KIF2A: variants seen among roughly 807,000 people sequenced by gnomAD.
The protein encoded by KIF2A is kinesin family member 2A.
A neutral mutation model predicts 100.2 loss-of-function variants in KIF2A; 22 were observed. The ratio of observed to expected loss-of-function variants is 0.22; its 90% CI spans 0.16 to 0.31. The LOEUF (loss-of-function observed/expected upper bound fraction) is 0.31. Among genes scored for constraint, KIF2A ranks in the 10% least tolerant of loss-of-function variants. KIF2A has a pLI of 1.00. For missense variants in KIF2A, 495 were observed against 898.7 expected (o/e 0.55, Z 5.74); for synonymous variants, 268 against 285.9 (o/e 0.94, Z 0.63).
intron 1 of KIF2A, among the ~76,000 whole-genome samples, chr5:62,321,556 T>C (rs1393745310): frequency 6.6e-6 from 1 of 152,062 alleles, no homozygotes; most frequent in Admixed American, 6.6e-5. Flanking sequence ...CCATTTGTTT[T>C]GTTTGTTTGT....
At chr5:62,364,339 G>A (rs1476481364) in intron 14 of KIF2A, among the ~76,000 whole-genome samples, 1 of 152,002 alleles carries the variant, frequency 6.6e-6, no homozygotes, top group African/African-American at 2.4e-5. Context: ...GTAGATATGG[G>A]GTTTCACCAT....
intron 1 of KIF2A, among the ~76,000 whole-genome samples, chr5:62,335,011 C>G (rs1746865771): frequency 6.6e-6 from 1 of 152,216 alleles, no homozygotes; most frequent in Non-Finnish European, 1.5e-5. Flanking sequence ...GATGGGTCCC[C>G]CTGGCTTTTC....
intron 1 of KIF2A, among the ~76,000 whole-genome samples, chr5:62,317,198 G>A (rs925859375): frequency 1.3e-5 from 2 of 151,998 alleles, no homozygotes; most frequent in African/African-American, 4.8e-5. Flanking sequence ...ACAGGCATGC[G>A]CCACCGTGCC....
intron 13 of KIF2A, 98 bp from the exon 14 acceptor site, chr5:62,363,597 C>T (rs190123555): frequency 1.1e-5 from 12 of 1,060,792 alleles, no homozygotes; most frequent in East Asian, 4.8e-5. Context: ...CTAGCTAAAT[C>T]GATGTTTTTG....
At chr5:62,372,660 T>C in intron 17 of KIF2A, 109 bp downstream of exon 17, 1 of 624,742 alleles carries the variant, frequency 1.6e-6, no homozygotes, top group East Asian at 2.9e-5. Context: ...TTAGTTTTCA[T>C]TGTCATTTCA....
chr5:62,307,897 C>A (rs370699948), intron 1 of KIF2A, among the ~76,000 whole-genome samples: 6 of 152,124 alleles, frequency 3.9e-5, no homozygotes, highest in African/African-American at 1.4e-4. Flanking sequence ...GGATTACAGG[C>A]GTGAGCCATC....
At chr5:62,362,667 A>G in intron 12 of KIF2A, 126 bp downstream of exon 12, 1 of 391,068 alleles carries the variant, frequency 2.6e-6, no homozygotes, top group Non-Finnish European at 4.6e-6. Flanking sequence ...GTTTACCACC[A>G]TAATTTATGT....
chr5:62,307,835 C>G (rs1328137211), intron 1 of KIF2A, among the ~76,000 whole-genome samples: 1 of 152,158 alleles, frequency 6.6e-6, no homozygotes, highest in East Asian at 1.9e-4. Flanking sequence ...CAAGGCTGGT[C>G]TCGAACTCCT....
At position 62,381,557 on chromosome 5, in the gene KIF2A, A is replaced by C. The variant is rs141561007; in HGVS notation, c.2149+304A>C. ...TCTTTAGTTTGGTAGGCTGATGCTTATGAGAATTATCTTCTTTCTGTGCCT... is the reference window on the plus strand; with the variant it reads ...TCTTTAGTTTGGTAGGCTGATGCTTCTGAGAATTATCTTCTTTCTGTGCCT... On this transcript the variant is annotated intron_variant, in intron 20 of 20. Transcript: ENST00000407818. 3.1e-3 allele frequency among the ~76,000 whole-genome samples: 477 copies of C among 152,304 alleles called. 4 individuals carry two copies. Among genetic ancestry groups the C allele is most frequent in the African/African-American group, 0.011 (455 of 41,576 alleles).
chr5:62,380,534 A>AG (rs1379159617), intron 19 of KIF2A, among the ~76,000 whole-genome samples: 1 of 152,174 alleles, frequency 6.6e-6, no homozygotes, highest in Non-Finnish European at 1.5e-5. Flanking sequence ...GCTGACCCCC[A>AG]GCACAGTTGG....
At chr5:62,368,639 T>C (rs987163060) in intron 16 of KIF2A, among the ~76,000 whole-genome samples, 3 of 152,074 alleles carry the variant, frequency 2.0e-5, no homozygotes, top group African/African-American at 7.2e-5. Context: ...TAGCCTGGCA[T>C]GGTGGCATGC....
chr5:62,368,985 G>A (rs1741203476), intron 16 of KIF2A, among the ~76,000 whole-genome samples: 1 of 152,100 alleles, frequency 6.6e-6, no homozygotes, highest in African/African-American at 2.4e-5. Context: ...TCTTGAGAAA[G>A]ATGAGGAACA....
Position 62,366,445 on chromosome 5 carries a change from G to A in KIF2A, c.1610G>A (p.Cys537Tyr). 1 of 1,582,192 alleles carries A rather than the reference G, an allele frequency of 6.3e-7. No homozygotes were observed. Among genetic ancestry groups the A allele is most frequent in the Non-Finnish European group, 8.6e-7 (1 of 1,160,618 alleles). Residue 537 changes from cysteine (C) to tyrosine (Y), a missense_variant, in exon 16 of 21, where the codon TGT becomes TAT. Coordinates refer to ENST00000407818, the MANE Select transcript of KIF2A (RefSeq NM_001098511.3). ...IATISPGMAS[C>Y]ENTLNTLRYA... ...ACAATCTCTCCAGGAATGGCATCCT[G>A]TGAAAATACTCTTAATACATTAAGA...
At chr5:62,331,999 CTT>C (rs984042210) in intron 1 of KIF2A, among the ~76,000 whole-genome samples, 6 of 152,114 alleles carry the variant, frequency 3.9e-5, no homozygotes, top group African/African-American at 1.2e-4. Context: ...TATTTTGGCT[CTT>C]GTCTCCTCCA....
chr5:62,352,576 T>C lies in KIF2A; in HGVS notation c.335-12T>C. On this transcript the variant is annotated splice_polypyrimidine_tract_variant and intron_variant, in intron 4 of 20. Coordinates refer to ENST00000407818, the MANE Select transcript of KIF2A (RefSeq NM_001098511.3). ...CTATCCTGAATTTAAAATTTTTTTT[T>C]TTTACTTACAGTGGTTGGTTCAGCA... is the stretch of plus-strand genomic sequence containing the variant. 6.6e-7 allele frequency: 1 copy of C among 1,507,934 alleles called. No homozygotes were observed. The highest frequency in any genetic ancestry group is 8.8e-7 in the Non-Finnish European group (1 of 1,131,782). 93.4% of individuals were successfully genotyped at this position (1,507,934 alleles called of 1,614,324 possible).
chr5:62,366,339 T>G, intron 15 of KIF2A, 75 bp from the exon 16 acceptor site: 27 of 842,812 alleles, frequency 3.2e-5, no homozygotes, highest in Non-Finnish European at 5.1e-5. Flanking sequence ...TAGACCTAAA[T>G]GAGCTGTATG....
At chr5:62,345,496 AAAAG>A (rs1747516781) in intron 1 of KIF2A, among the ~76,000 whole-genome samples, 1 of 150,850 alleles carries the variant, frequency 6.6e-6, no homozygotes. Flanking sequence ...AAAAAAAAAG[AAAAG>A]AAAAAATAGA....
At chr5:62,342,988 G>C (rs1436606751) in intron 1 of KIF2A, among the ~76,000 whole-genome samples, 1 of 152,104 alleles carries the variant, frequency 6.6e-6, no homozygotes, top group Admixed American at 6.5e-5. Flanking sequence ...CTGACCTCAA[G>C]TGATCTGCCC....
At chr5:62,379,676 A>G (rs1451933662) in intron 19 of KIF2A, among the ~76,000 whole-genome samples, 1 of 148,578 alleles carries the variant, frequency 6.7e-6, no homozygotes, top group African/African-American at 2.5e-5. Context: ...AAAAAAAAGG[A>G]AAATTGGAGT....
Sources: allele counts gnomAD v4.1 joint callset (sites outside exome capture counted in the v4.1 genomes callset), GRCh38; gene constraint gnomAD v4.1.1; transcripts MANE v1.5; gene names NCBI Gene and HGNC (gene_info 2026-07-23, HGNC 2026-07-21).